Variants in STAG1 observed in about 807,000 individuals in gnomAD.
STAG1 encodes cohesin subunit SA-1.
A neutral mutation model predicts 170.9 loss-of-function variants in STAG1; 26 were observed. The observed-to-expected ratio is 0.15, with a 90% CI of 0.11 to 0.21. The LOEUF (loss-of-function observed/expected upper bound fraction) is 0.21. Among genes scored for constraint, STAG1 ranks in the 10% least tolerant of loss-of-function variants. The probability of loss-of-function intolerance (pLI) is 1.00; values close to 1 mark genes in which losing one functional copy is unlikely to be tolerated. For missense variants in STAG1, 964 were observed against 1,509.5 expected, an observed-to-expected ratio of 0.64 and a Z score of 5.99; for synonymous variants, 514 against 497.7, an observed-to-expected ratio of 1.03 and a Z score of -0.44.
At chr3:136,591,556 G>GAAA in intron 4 of STAG1, 47 of 356,352 alleles carry the variant, frequency 1.3e-4, no homozygotes, top group Admixed American at 2.0e-4. Context: ...ATCTCTATTT[G>GAAA]AAAAAAAAAA....
At chr3:136,749,626 G>A (rs933923234) in intron 1 of STAG1, among the ~76,000 whole-genome samples, 45 of 151,614 alleles carry the variant, frequency 3.0e-4, no homozygotes, top group African/African-American at 1.1e-3. Context: ...CGCACTTGTA[G>A]ACCCAGCTAC....
chr3:136,687,893 T>C (rs895588469), intron 1 of STAG1, among the ~76,000 whole-genome samples: 1 of 152,048 alleles, frequency 6.6e-6, no homozygotes, highest in African/African-American at 2.4e-5. Context: ...TCCACCACCA[T>C]GCCCAGCTAA....
chr3:136,497,590 C>T (rs971484138), intron 9 of STAG1, among the ~76,000 whole-genome samples: 2 of 152,156 alleles, frequency 1.3e-5, no homozygotes, highest in Admixed American at 1.3e-4. Context: ...CCTGTAACCC[C>T]AGCACTTTGG....
At chr3:136,554,808 T>A (rs998070964) in intron 5 of STAG1, among the ~76,000 whole-genome samples, 3 of 152,000 alleles carry the variant, frequency 2.0e-5, no homozygotes, top group African/African-American at 7.2e-5. Context: ...GGTGGGAGGA[T>A]CATTTCTGCC....
intron 9 of STAG1, among the ~76,000 whole-genome samples, chr3:136,498,379 C>A (rs1933278127): frequency 1.4e-5 from 2 of 147,266 alleles, no homozygotes; most frequent in Non-Finnish European, 1.5e-5. Flanking sequence ...GAGAAAGAAG[C>A]CAGATCCGCC....
chr3:136,616,158 A>G (rs1313254383), intron 3 of STAG1, among the ~76,000 whole-genome samples: 3 of 151,724 alleles, frequency 2.0e-5, no homozygotes, highest in Non-Finnish European at 4.4e-5. Context: ...CGTCCCAGCT[A>G]CTCGGGAGGC....
intron 5 of STAG1, among the ~76,000 whole-genome samples, chr3:136,548,123 T>G (rs906244099): frequency 2.0e-5 from 3 of 151,922 alleles, no homozygotes; most frequent in Non-Finnish European, 4.4e-5. Context: ...TGTTTTGTTT[T>G]TTTTTTTTGA....
intron 26 of STAG1, among the ~76,000 whole-genome samples, chr3:136,361,036 G>T (rs1936844699): frequency 6.6e-6 from 1 of 152,138 alleles, no homozygotes. Flanking sequence ...TACATTTAAA[G>T]TGAATACAAA....
chr3:136,702,115 G>GAGAGAGAGAGAGAGAC (rs1943093054), intron 1 of STAG1, among the ~76,000 whole-genome samples: 1 of 66,400 alleles, frequency 1.5e-5, no homozygotes, highest in African/African-American at 5.4e-5. Context: ...GAGAGAGAGA[G>GAGAGAGAGAGAGAGAC]AGAGAGACAG....
intron 31 of STAG1, 47 bp downstream of exon 31, chr3:136,341,394 G>T: frequency 8.3e-7 from 1 of 1,202,794 alleles, no homozygotes; most frequent in Non-Finnish European, 1.2e-6. Flanking sequence ...AAAATGATGG[G>T]CATCACATAG....
At chr3:136,500,107 T>G (rs1298584023) in intron 9 of STAG1, 116 bp downstream of exon 9, 2 of 698,176 alleles carry the variant, frequency 2.9e-6, no homozygotes, top group East Asian at 6.0e-5. Flanking sequence ...AAAGTTGTTT[T>G]CCAGAAAACA....
chr3:136,517,904 T>C (rs1175627249), intron 7 of STAG1: 1 of 152,108 alleles, frequency 6.6e-6, no homozygotes, highest in African/African-American at 2.4e-5. Context: ...AACGAAGGGA[T>C]TAAAGAAAAT....
Position 136,398,784 on chromosome 3 carries a change from G to A in STAG1, c.2242C>T (p.Gln748Ter). 1 of 1,603,600 alleles carries A rather than the reference G, an allele frequency of 6.2e-7. No individual in the cohort carries two copies. Among genetic ancestry groups the A allele is most frequent in the Non-Finnish European group, 8.5e-7 (1 of 1,174,304 alleles). ...GAGCCATCAGTAATTTTCACCAACT[G>A]CCAAAGAATCGAATAATGGGAACAC... is the stretch of plus-strand genomic sequence containing the variant. ...LQCSHYSILW[Q>*]LVKITDGSPS... Residue 748 changes from glutamine (Q) to a stop codon, truncating the protein, a stop_gained, in exon 22 of 34, where the codon CAG becomes TAG. Coordinates refer to ENST00000383202, the MANE Select transcript of STAG1 (RefSeq NM_005862.3). LOFTEE classifies it high-confidence loss of function.
chr3:136,745,789 A>G (rs916738991), intron 1 of STAG1, among the ~76,000 whole-genome samples: 1 of 151,990 alleles, frequency 6.6e-6, no homozygotes, highest in Admixed American at 6.6e-5. Context: ...GAATTGCTGT[A>G]GGCCATACAT....
intron 1 of STAG1, among the ~76,000 whole-genome samples, chr3:136,647,493 C>T (rs1408382159): frequency 4.6e-5 from 7 of 152,144 alleles, no homozygotes; most frequent in Middle Eastern, 3.4e-3. Flanking sequence ...CGCTTGAACC[C>T]GGGAGGCAGA....
Position 136,517,421 on chromosome 3 carries a change from C to A in STAG1, c.676+3792G>T, listed in dbSNP as rs556231544. On this transcript the variant is annotated intron_variant, in intron 7 of 33. Transcript: ENST00000383202. ...AAATAACAAAATATTAAAACGTTAACCAACATTACTCAGCCTGAATGTTGC... is the reference window on the plus strand; with the variant it reads ...AAATAACAAAATATTAAAACGTTAAACAACATTACTCAGCCTGAATGTTGC... Among the ~76,000 whole-genome samples, 22 of 152,106 alleles carry A rather than the reference C, an allele frequency of 1.4e-4. No individual in the cohort carries two copies. In the East Asian group the frequency reaches 4.1e-3, roughly 28 times the overall value.
intron 1 of STAG1, among the ~76,000 whole-genome samples, chr3:136,648,829 A>G (rs1941119256): frequency 6.6e-6 from 1 of 152,162 alleles, no homozygotes; most frequent in African/African-American, 2.4e-5. Context: ...TGAATATTTC[A>G]ATAGTCTCCT....
intron 1 of STAG1, among the ~76,000 whole-genome samples, chr3:136,722,199 A>G (rs1933323898): frequency 6.6e-6 from 1 of 152,134 alleles, no homozygotes. Context: ...TGGGCAACAG[A>G]GCAAGATCCT....
At chr3:136,674,380 C>T (rs934041497) in intron 1 of STAG1, among the ~76,000 whole-genome samples, 1 of 152,088 alleles carries the variant, frequency 6.6e-6, no homozygotes, top group Non-Finnish European at 1.5e-5. Context: ...TTTGGCTTAC[C>T]TCAAGAAGCC....
Sources: gnomAD v4.1 joint callset for allele counts (sites outside exome capture counted in the v4.1 genomes callset) on GRCh38, gnomAD v4.1.1 for gene constraint, MANE v1.5 for transcripts, NCBI Gene and HGNC (gene_info 2026-07-23, HGNC 2026-07-21) for gene names.